Variants in EPHA4 observed in about 807,000 individuals in gnomAD.
EPHA4 encodes EPH receptor A4.
EPHA4 carries 19 observed loss-of-function variants against 108.3 expected under a neutral mutation model. The ratio of observed to expected loss-of-function variants is 0.18; its 90% CI spans 0.12 to 0.26. EPHA4 has a LOEUF of 0.26. EPHA4 is among the 10% of genes least tolerant of loss of function. The pLI, the probability that EPHA4 is intolerant of heterozygous loss-of-function variation, is 1.00. For synonymous variants in EPHA4, 449 were observed against 455.5 expected, an observed-to-expected ratio of 0.99 and a Z score of 0.18; for missense variants, 917 against 1,254.0, an observed-to-expected ratio of 0.73 and a Z score of 4.06.
intron 11 of EPHA4, among the ~76,000 whole-genome samples, chr2:221,441,740 C>T (rs1318327759): frequency 6.6e-6 from 1 of 152,098 alleles, no homozygotes; most frequent in African/African-American, 2.4e-5. Flanking sequence ...ACTGTGTGCT[C>T]CCCCTCCTAC....
At chr2:221,497,062 C>T (rs1041281529) in intron 4 of EPHA4, among the ~76,000 whole-genome samples, 9 of 17,382 alleles carry the variant, frequency 5.2e-4, no homozygotes, top group African/African-American at 2.8e-3. Flanking sequence ...TAATTATGCA[C>T]GCAAGGGTAA....
intron 6 of EPHA4, among the ~76,000 whole-genome samples, chr2:221,457,023 C>CT (rs990295532): frequency 1.7e-4 from 25 of 151,424 alleles, no homozygotes; most frequent in South Asian, 1.0e-3. Context: ...TCCTCCTACT[C>CT]TTTTTTTTTG....
In EPHA4 at chr2:221,501,157, T is replaced by G. The variant is rs200631562; in HGVS notation, c.839A>C (p.Tyr280Ser). 1.1e-5 allele frequency: 17 copies of G among 1,600,034 alleles called. No homozygotes were observed. Among genetic ancestry groups the G allele is most frequent in the Non-Finnish European group, 1.3e-5 (15 of 1,174,268 alleles). ...SGECQACKIG[Y>S]YKALSTDATC... is the part of the protein sequence containing the mutation. Reference sequence around the variant, plus strand: ...GGCATCCGTGGAGAGAGCCTTGTAATATCCAATTTTGCAAGCTGCAGGGAA... The same window carrying G: ...GGCATCCGTGGAGAGAGCCTTGTAAGATCCAATTTTGCAAGCTGCAGGGAA... Residue 280 changes from tyrosine (Y) to serine (S), a missense_variant, in exon 4 of 18, where the codon TAT becomes TCT. Tyr to Ser is a moderately radical substitution (Grantham distance 144). Transcript: ENST00000281821.
At position 221,425,544 on chromosome 2, in the gene EPHA4, A is replaced by G. The variant is rs115967541; in HGVS notation, c.*484T>C. 0.014 allele frequency: 2,092 copies of G among 153,820 alleles called. 40 individuals are homozygous for G. Among genetic ancestry groups the G allele is most frequent in the African/African-American group, 0.047 (1,943 of 41,276 alleles). The allele number at this position is 153,820 out of a possible 1,614,324, so 9.5% of individuals were successfully genotyped here. On this transcript the variant is annotated 3_prime_UTR_variant, in exon 17 of 18. Coordinates refer to ENST00000281821, the MANE Select transcript of EPHA4 (RefSeq NM_004438.5). ...CTAGGACTTTTTTTTCCCCCATGGT[A>G]TGAACCAAGCCCTAAAAGCCACAGC...
rs147013560 is a variant in EPHA4, at chr2:221,446,004, G to T, written c.1774+119C>A. On this transcript the variant is annotated intron_variant, in intron 9 of 17. Transcript: ENST00000281821. ...CTAGGAAGTACATTATTGGGATAAGGAATAAATATATTATATTATATAACA... is the reference window on the plus strand; with the variant it reads ...CTAGGAAGTACATTATTGGGATAAGTAATAAATATATTATATTATATAACA... The T allele has an allele frequency of 2.4e-3, 1,124 of 464,960 alleles. 8 individuals are homozygous for T. Among genetic ancestry groups the T allele is most frequent in the African/African-American group, 0.02 (1,001 of 49,034 alleles). The allele number at this position is 464,960 out of a possible 1,614,324, so 28.8% of individuals were successfully genotyped here.
At chr2:221,470,871 T>C (rs1691464353) in intron 5 of EPHA4, among the ~76,000 whole-genome samples, 1 of 152,114 alleles carries the variant, frequency 6.6e-6, no homozygotes, top group Non-Finnish European at 1.5e-5. Context: ...AAAATCTGTC[T>C]TTTTGACAAT....
At chr2:221,556,679 T>TA (rs1694313316) in intron 3 of EPHA4, among the ~76,000 whole-genome samples, 1 of 152,072 alleles carries the variant, frequency 6.6e-6, no homozygotes, top group African/African-American at 2.4e-5. Context: ...TCTCCTCATA[T>TA]CCATGATTTG....
chr2:221,458,117 AT>A, intron 5 of EPHA4, 127 bp from the exon 6 acceptor site: 1 of 1,143,326 alleles, frequency 8.7e-7, no homozygotes. Context: ...CCCCTTGACC[AT>A]TTTACTCTTC....
upstream of EPHA4, chr2:221,572,406 A>T: frequency 4.5e-6 from 2 of 448,608 alleles, no homozygotes; most frequent in South Asian, 2.3e-5. Flanking sequence ...CGGCGCAGAC[A>T]GGGCGGCCGA....
At chr2:221,501,328 A>C in intron 3 of EPHA4, 156 bp from the exon 4 acceptor site, 1 of 581,628 alleles carries the variant, frequency 1.7e-6, no homozygotes, top group Non-Finnish European at 2.8e-6. Context: ...AACCAAAAGC[A>C]TTCATTGAGT....
intron 17 of EPHA4, among the ~76,000 whole-genome samples, chr2:221,422,902 A>G (rs2106085244): frequency 6.6e-6 from 1 of 152,344 alleles, no homozygotes; most frequent in African/African-American, 2.4e-5. Flanking sequence ...TAAATAATGC[A>G]TGTTTATCCT....
At chr2:221,451,697 C>T (rs937084296) in intron 8 of EPHA4, among the ~76,000 whole-genome samples, 1 of 152,096 alleles carries the variant, frequency 6.6e-6, no homozygotes, top group African/African-American at 2.4e-5. Context: ...ATGAGAAAGA[C>T]ACAGATCAAA....
At chr2:221,435,733 T>C (rs1166463794) in intron 13 of EPHA4, among the ~76,000 whole-genome samples, 4 of 152,182 alleles carry the variant, frequency 2.6e-5, no homozygotes, top group Non-Finnish European at 5.9e-5. Context: ...CTTCACTGTG[T>C]CCTAATCCCC....
At chr2:221,478,048 T>C (rs1017926863) in intron 5 of EPHA4, among the ~76,000 whole-genome samples, 2 of 151,952 alleles carry the variant, frequency 1.3e-5, no homozygotes, top group Non-Finnish European at 2.9e-5. Flanking sequence ...TGGGTGCAAT[T>C]TGGGGTGAGG....
chr2:221,512,019 G>T (rs1559273353), intron 3 of EPHA4, among the ~76,000 whole-genome samples: 1 of 152,002 alleles, frequency 6.6e-6, no homozygotes, highest in Non-Finnish European at 1.5e-5. Context: ...AAATAAAAAT[G>T]ATTATGACTT....
chr2:221,455,681 G>A (rs1306916062), intron 7 of EPHA4, 23 bp from the exon 8 acceptor site: 1 of 1,562,826 alleles, frequency 6.4e-7, no homozygotes, highest in African/African-American at 1.4e-5. Flanking sequence ...ATTGCATAAG[G>A]GTCACCTTTG....
Position 221,426,039 on chromosome 2 carries a change from C to T in EPHA4, c.2950G>A (p.Val984Ile), listed in dbSNP as rs747438072. 2 of 1,613,940 alleles carry T rather than the reference C, an allele frequency of 1.2e-6. No homozygotes were observed. The highest frequency in any genetic ancestry group is 1.7e-6 in the Non-Finnish European group (2 of 1,179,946). The stretch of plus-strand genomic sequence containing the variant: ...TATTCAGTACTGGCTCAGACGGGAA[C>T]CATTCTGCCGTGCATCTGCTGCATT... Reference protein sequence around the residue: ...TQMQQMHGRMVPV With the variant: ...TQMQQMHGRMIPV Residue 984 changes from valine (V) to isoleucine (I), a missense_variant, in exon 17 of 18, where the codon GTT (valine) becomes ATT (isoleucine). Val to Ile is a conservative substitution (Grantham distance 29). This residue lies in a region of EPHA4 where 26 missense variants were observed against 44.4 expected (regional missense o/e 0.59). Coordinates refer to ENST00000281821, the MANE Select transcript of EPHA4 (RefSeq NM_004438.5).
chr2:221,445,766 T>G (rs1690575294), intron 9 of EPHA4, among the ~76,000 whole-genome samples: 1 of 152,150 alleles, frequency 6.6e-6, no homozygotes, highest in African/African-American at 2.4e-5. Flanking sequence ...ACTGTTACAT[T>G]TCTTATTCTT....
Position 221,568,766 on chromosome 2 carries a change from T to C in EPHA4, c.111A>G (p.Arg37=). 1 of 1,613,768 alleles carries C rather than the reference T, an allele frequency of 6.2e-7. No individual in the cohort carries two copies. The part of the protein sequence containing the change: ...PANEVTLLDS[R]SVQGELGWIA... Reference sequence around the variant, plus strand: ...TCCACCCAAGTTCTCCCTGAACAGATCTGGAATCCAATAAGGTAACTGCAA... The same window carrying C: ...TCCACCCAAGTTCTCCCTGAACAGACCTGGAATCCAATAAGGTAACTGCAA... The change falls in exon 2 of 18, where the codon AGA becomes AGG. Residue 37 remains arginine, a synonymous_variant. Coordinates refer to ENST00000281821, the MANE Select transcript of EPHA4 (RefSeq NM_004438.5).
Sources: gnomAD v4.1 joint callset for allele counts (sites outside exome capture counted in the v4.1 genomes callset) on GRCh38, gnomAD v4.1.1 for gene constraint, gnomAD v4.1.1 regional missense constraint, MANE v1.5 for transcripts, NCBI Gene and HGNC (gene_info 2026-07-23, HGNC 2026-07-21) for gene names.